Variants in BARD1 observed in about 807,000 individuals in gnomAD.
BARD1 encodes the protein BRCA1-associated RING domain protein 1.
Under a neutral mutation model 77.0 loss-of-function variants are expected in BARD1, and 73 were observed. The ratio of observed to expected loss-of-function variants is 0.95; its 90% CI spans 0.79 to 1.15. The LOEUF (loss-of-function observed/expected upper bound fraction) is 1.15. BARD1 is among the 50% of genes most tolerant of loss of function. The pLI is 0.00. For missense variants in BARD1, 993 were observed against 938.8 expected (o/e 1.06, Z -0.75); for synonymous variants, 384 against 338.0 (o/e 1.14, Z -1.49).
chr2:214,761,751 T>C (rs1693975391), intron 6 of BARD1, among the ~76,000 whole-genome samples: 1 of 152,178 alleles, frequency 6.6e-6, no homozygotes, highest in African/African-American at 2.4e-5. Flanking sequence ...CACAGGGCAA[T>C]AAAGAACATT....
intron 4 of BARD1, among the ~76,000 whole-genome samples, chr2:214,772,242 C>G (rs903934039): frequency 6.6e-6 from 1 of 152,176 alleles, no homozygotes; most frequent in African/African-American, 2.4e-5. Flanking sequence ...CAGGTGTGAG[C>G]CCCTGCAACT....
rs767698684 is a variant in BARD1, at chr2:214,809,503, C to T, written c.67G>A (p.Ala23Thr). The stretch of plus-strand genomic sequence containing the variant: ...CGACCATCCGGTTCCATGGCGGGCG[C>T]GGAACGAGGCTCGTTCCCGGAGCGG... The part of the protein sequence containing the change: ...RIRSGNEPRS[A>T]PAMEPDGRGA... Residue 23 changes from alanine to threonine, a missense_variant, in exon 1 of 11, where the codon GCG (alanine) becomes ACG (threonine). Physicochemically the swap from Ala to Thr is moderately conservative, Grantham distance 58. Transcript: ENST00000260947. 6.2e-7 allele frequency: 1 copy of T among 1,602,608 alleles called. No individual in the cohort carries two copies. The highest frequency in any genetic ancestry group is 8.5e-7 in the Non-Finnish European group (1 of 1,176,208).
At chr2:214,808,328 G>A (rs1325890207) in intron 1 of BARD1, among the ~76,000 whole-genome samples, 1 of 152,214 alleles carries the variant, frequency 6.6e-6, no homozygotes, top group Non-Finnish European at 1.5e-5. Flanking sequence ...AGAATGGCGT[G>A]AACCCGGGAG....
At chr2:214,764,307 A>G (rs1331226570) in intron 6 of BARD1, among the ~76,000 whole-genome samples, 1 of 152,210 alleles carries the variant, frequency 6.6e-6, no homozygotes, top group Non-Finnish European at 1.5e-5. Context: ...TCCCTGGCCC[A>G]TACAGCTTAC....
intron 7 of BARD1, among the ~76,000 whole-genome samples, chr2:214,749,370 C>A (rs963927242): frequency 1.3e-5 from 2 of 152,032 alleles, no homozygotes; most frequent in African/African-American, 4.8e-5. Context: ...AGAAACTACC[C>A]TTTAAACCTG....
At chr2:214,797,243 A>G (rs1695801784) in intron 1 of BARD1, 126 bp from the exon 2 acceptor site, 1 of 810,004 alleles carries the variant, frequency 1.2e-6, no homozygotes, top group South Asian at 1.4e-5. Flanking sequence ...GGTATTAAGG[A>G]TGCATTCATT....
chr2:214,745,035 C>T, intron 9 of BARD1, 32 bp downstream of exon 9: 1 of 1,570,708 alleles, frequency 6.4e-7, no homozygotes. Context: ...TAGTCTAATT[C>T]ATTTCTTAAT....
chr2:214,788,712 A>ACT (rs1287980185), intron 3 of BARD1, among the ~76,000 whole-genome samples: 2 of 152,104 alleles, frequency 1.3e-5, no homozygotes, highest in Non-Finnish European at 2.9e-5. Flanking sequence ...ACAGCTTAGG[A>ACT]ATCACTTAAT....
intron 2 of BARD1, among the ~76,000 whole-genome samples, chr2:214,792,795 T>C (rs753351469): frequency 6.6e-6 from 1 of 152,140 alleles, no homozygotes; most frequent in Non-Finnish European, 1.5e-5. Context: ...TAACATTGCA[T>C]GAAAATACCC....
At chr2:214,770,497 G>A (rs16852686) in intron 4 of BARD1, among the ~76,000 whole-genome samples, 25,404 of 152,124 alleles carry the variant, frequency 0.17, 2,242 homozygotes, top group African/African-American at 0.21. Context: ...AATCAGATGA[G>A]CAAGATCCGG....
chr2:214,798,780 A>G (rs1214215654), intron 1 of BARD1, among the ~76,000 whole-genome samples: 3 of 152,026 alleles, frequency 2.0e-5, no homozygotes, highest in African/African-American at 4.8e-5. Flanking sequence ...AAGAAAAAAA[A>G]AAAAAAAAAA....
At chr2:214,730,985 C>T in intron 9 of BARD1, 3 of 448,964 alleles carry the variant, frequency 6.7e-6, no homozygotes, top group Non-Finnish European at 1.3e-5. Context: ...AAGGAATGTG[C>T]TTTAGTCTAC....
intron 3 of BARD1, among the ~76,000 whole-genome samples, chr2:214,788,877 A>G (rs192152610): frequency 6.6e-6 from 1 of 152,230 alleles, no homozygotes; most frequent in East Asian, 1.9e-4. Flanking sequence ...AATTACCACA[A>G]AGGTACTGCG....
At chr2:214,797,247 A>G (rs981610024) in intron 1 of BARD1, 130 bp from the exon 2 acceptor site, 1 of 793,038 alleles carries the variant, frequency 1.3e-6, no homozygotes, top group Non-Finnish European at 2.3e-6. Flanking sequence ...TTAAGGATGC[A>G]TTCATTTGAA....
intron 6 of BARD1, among the ~76,000 whole-genome samples, chr2:214,756,144 G>A (rs550242367): frequency 2.8e-4 from 43 of 152,256 alleles, no homozygotes; most frequent in Admixed American, 2.6e-3. Context: ...GGTGGGGCCT[G>A]GTGGGAAGTG....
At position 214,770,052 on chromosome 2, in the gene BARD1, T is replaced by G. The variant is rs866456003; in HGVS notation, c.1315-740A>C. On this transcript the variant is annotated intron_variant, in intron 4 of 10. Transcript: ENST00000260947. ...CCAAAGTTAAAAAACAGCCAAAAAC[T>G]GCCATTTTATTGGCAGTTACTCCAT... Among the ~76,000 whole-genome samples, 3 of 152,216 alleles carry G rather than the reference T, an allele frequency of 2.0e-5. No individual in the cohort carries two copies. In the South Asian group the frequency reaches 6.2e-4, roughly 31 times the overall value.
At chr2:214,745,340 A>G (rs1007406998) in intron 8 of BARD1, among the ~76,000 whole-genome samples, 181 bp from the exon 9 acceptor site, 2 of 152,226 alleles carry the variant, frequency 1.3e-5, no homozygotes, top group Non-Finnish European at 2.9e-5. Context: ...CTGGCCATCA[A>G]TATGAAAAAT....
intron 4 of BARD1, among the ~76,000 whole-genome samples, chr2:214,779,737 G>GGATT (rs1382376493): frequency 6.6e-6 from 1 of 152,166 alleles, no homozygotes; most frequent in Non-Finnish European, 1.5e-5. Flanking sequence ...GAAGACCAAA[G>GGATT]GATTTCCTGG....
chr2:214,761,830 G>A (rs1046980907), intron 6 of BARD1, among the ~76,000 whole-genome samples: 11 of 151,966 alleles, frequency 7.2e-5, no homozygotes, highest in Non-Finnish European at 7.4e-5. Flanking sequence ...TTTAAAAAAG[G>A]AAGAACAAAA....
Sources: allele counts gnomAD v4.1 joint callset (sites outside exome capture counted in the v4.1 genomes callset), GRCh38; gene constraint gnomAD v4.1.1; transcripts MANE v1.5; gene names NCBI Gene and HGNC (gene_info 2026-07-23, HGNC 2026-07-21).